SLC9A9: variants seen among roughly 807,000 people sequenced by gnomAD.
The protein encoded by SLC9A9 is sodium/hydrogen exchanger 9.
SLC9A9 carries 62 observed loss-of-function variants against 77.8 expected under a neutral mutation model. The ratio of observed to expected loss-of-function variants is 0.80; its 90% CI spans 0.65 to 0.98. The LOEUF (loss-of-function observed/expected upper bound fraction) is 0.98. SLC9A9 is among the 50% of genes least tolerant of loss of function. The probability of loss-of-function intolerance (pLI) is 0.00; values close to 1 mark genes in which losing one functional copy is unlikely to be tolerated. For synonymous variants in SLC9A9, 320 were observed against 283.5 expected, an observed-to-expected ratio of 1.13 and a Z score of -1.29; for missense variants, 775 against 774.9, an observed-to-expected ratio of 1.00 and a Z score of 0.00.
At chr3:143,463,021 G>A (rs948386575) in intron 12 of SLC9A9, among the ~76,000 whole-genome samples, 1 of 152,166 alleles carries the variant, frequency 6.6e-6, no homozygotes, top group African/African-American at 2.4e-5. Context: ...TCACAAGGAG[G>A]TTATATACTT....
chr3:143,344,049 T>C (rs139060682), intron 14 of SLC9A9, among the ~76,000 whole-genome samples: 4,281 of 152,260 alleles, frequency 0.028, 77 homozygotes, highest in South Asian at 0.039. Flanking sequence ...ATTAGATTCA[T>C]TAAGTGGACA....
At chr3:143,312,911 T>G (rs1456841616) in intron 14 of SLC9A9, among the ~76,000 whole-genome samples, 3 of 152,212 alleles carry the variant, frequency 2.0e-5, no homozygotes, top group Admixed American at 6.5e-5. Flanking sequence ...GAACATACTC[T>G]TCTTTAGATA....
At chr3:143,838,694 G>A (rs2009635240) in intron 1 of SLC9A9, among the ~76,000 whole-genome samples, 1 of 152,174 alleles carries the variant, frequency 6.6e-6, no homozygotes, top group African/African-American at 2.4e-5. Context: ...ACCATCATTA[G>A]AACTTTGTAC....
In SLC9A9 at chr3:143,787,347, A is replaced by G. The variant is rs114220191; in HGVS notation, c.533+7654T>C. Reference sequence around the variant, plus strand: ...ACCCCAACCCATGAGCCAGAACATTATCAATCATTTGTCTTTATTTGTTTC... The same window carrying G: ...ACCCCAACCCATGAGCCAGAACATTGTCAATCATTTGTCTTTATTTGTTTC... On this transcript the variant is annotated intron_variant, in intron 4 of 15. Transcript: ENST00000316549. 7.3e-3 allele frequency among the ~76,000 whole-genome samples: 1,106 copies of G among 152,348 alleles called. 10 individuals are homozygous for G. Among genetic ancestry groups the G allele is most frequent in the Middle Eastern group, 0.027 (8 of 294 alleles).
chr3:143,598,714 A>G (rs142021237), intron 6 of SLC9A9, among the ~76,000 whole-genome samples: 3 of 152,362 alleles, frequency 2.0e-5, no homozygotes, highest in African/African-American at 7.2e-5. Context: ...AAATGCTGCA[A>G]GCAAGCAAGT....
At chr3:143,352,127 G>C (rs1047951223) in intron 14 of SLC9A9, among the ~76,000 whole-genome samples, 1 of 152,098 alleles carries the variant, frequency 6.6e-6, no homozygotes, top group African/African-American at 2.4e-5. Context: ...ACACCCACTC[G>C]CTGCTCTTGG....
At chr3:143,611,450 G>A (rs138527020) in intron 6 of SLC9A9, among the ~76,000 whole-genome samples, 2 of 151,420 alleles carry the variant, frequency 1.3e-5, no homozygotes, top group Non-Finnish European at 2.9e-5. Context: ...GAGTAGAAAC[G>A]AGCATTATAC....
chr3:143,293,683 A>G (rs2030118873), intron 14 of SLC9A9, among the ~76,000 whole-genome samples: 1 of 152,208 alleles, frequency 6.6e-6, no homozygotes, highest in South Asian at 2.1e-4. Context: ...TGTCAATCAC[A>G]GCTTATCTGG....
intron 12 of SLC9A9, 45 bp downstream of exon 12, chr3:143,466,992 A>G: frequency 6.2e-7 from 1 of 1,600,726 alleles, no homozygotes; most frequent in South Asian, 1.1e-5. Flanking sequence ...TGAACAGCGC[A>G]GCCATGCCTC....
chr3:143,438,934 C>T (rs2034674514), intron 12 of SLC9A9, among the ~76,000 whole-genome samples: 1 of 152,206 alleles, frequency 6.6e-6, no homozygotes. Flanking sequence ...ATGCTGCTTC[C>T]TGTGTTCTTA....
chr3:143,685,957 T>A (rs1933249378), intron 5 of SLC9A9, among the ~76,000 whole-genome samples: 1 of 152,168 alleles, frequency 6.6e-6, no homozygotes. Context: ...GTTAAATATA[T>A]CTTCTTTGGT....
chr3:143,806,732 G>A (rs914270810), intron 2 of SLC9A9, among the ~76,000 whole-genome samples: 2 of 144,242 alleles, frequency 1.4e-5, no homozygotes, highest in African/African-American at 5.0e-5. Context: ...GGTATTATGT[G>A]GTGGTGGGGG....
chr3:143,541,403 A>T (rs530654076), intron 9 of SLC9A9, among the ~76,000 whole-genome samples: 1 of 152,208 alleles, frequency 6.6e-6, no homozygotes, highest in Non-Finnish European at 1.5e-5. Flanking sequence ...GGAAGCCCTG[A>T]TCAACAATTT....
intron 2 of SLC9A9, among the ~76,000 whole-genome samples, chr3:143,823,371 G>A (rs764861828): frequency 6.6e-6 from 1 of 152,210 alleles, no homozygotes; most frequent in Non-Finnish European, 1.5e-5. Flanking sequence ...CCTGGATACT[G>A]TAGTAGAGTA....
Position 143,520,885 on chromosome 3 carries a change from C to T in SLC9A9, c.1090-25437G>A, listed in dbSNP as rs1026474520. Among the ~76,000 whole-genome samples, 5 of 152,260 alleles carry T rather than the reference C, an allele frequency of 3.3e-5. No homozygotes were observed. The East Asian group carries it at 5.8e-4, about 18-fold the overall frequency. On this transcript the variant is annotated intron_variant, in intron 9 of 15. Coordinates refer to ENST00000316549, the MANE Select transcript of SLC9A9 (RefSeq NM_173653.4). ...ATGGCCGTTAAGATTTCCTCTCCTA[C>T]GAAACACCTGCTCATTTATTTTGCT...
chr3:143,665,749 C>G (rs147082999), intron 5 of SLC9A9, among the ~76,000 whole-genome samples: 1 of 152,078 alleles, frequency 6.6e-6, no homozygotes, highest in Non-Finnish European at 1.5e-5. Flanking sequence ...GGATAAATTC[C>G]TGGACACATA....
At chr3:143,443,906 A>G (rs1237362838) in intron 12 of SLC9A9, among the ~76,000 whole-genome samples, 6 of 150,772 alleles carry the variant, frequency 4.0e-5, no homozygotes, top group Admixed American at 6.6e-5. Flanking sequence ...TGTTACCCTT[A>G]GTCACACACA....
At chr3:143,767,440 C>T (rs1176568505) in intron 4 of SLC9A9, among the ~76,000 whole-genome samples, 1 of 150,512 alleles carries the variant, frequency 6.6e-6, no homozygotes, top group East Asian at 1.9e-4. Context: ...TCAAGGGCCA[C>T]ATTAACTGTT....
intron 12 of SLC9A9, among the ~76,000 whole-genome samples, chr3:143,388,575 G>T (rs913668033): frequency 6.6e-6 from 1 of 152,106 alleles, no homozygotes; most frequent in South Asian, 2.1e-4. Context: ...TAAAATATTG[G>T]CTGCCATCTA....
Sources: allele counts gnomAD v4.1 joint callset (sites outside exome capture counted in the v4.1 genomes callset), GRCh38; gene constraint gnomAD v4.1.1; transcripts MANE v1.5; gene names NCBI Gene and HGNC (gene_info 2026-07-23, HGNC 2026-07-21).